PADI1: variants seen among roughly 807,000 people sequenced by gnomAD.
PADI1 encodes protein-arginine deiminase type-1.
PADI1 carries 65 observed loss-of-function variants against 74.8 expected under a neutral mutation model. The ratio of observed to expected loss-of-function variants is 0.87; its 90% CI spans 0.71 to 1.07. The LOEUF (loss-of-function observed/expected upper bound fraction) is 1.07. Among genes scored for constraint, PADI1 ranks in the 50% least tolerant of loss-of-function variants. The pLI, the probability that PADI1 is intolerant of heterozygous loss-of-function variation, is 0.00. For missense variants in PADI1, 943 were observed against 854.0 expected, an observed-to-expected ratio of 1.10 and a Z score of -1.30; for synonymous variants, 371 against 336.2, an observed-to-expected ratio of 1.10 and a Z score of -1.13.
In PADI1 at chr1:17,230,116, T is replaced by C; in HGVS notation, c.961T>C (p.Phe321Leu). The C allele has an allele frequency of 6.2e-7, 1 of 1,614,030 alleles. No homozygotes were observed. The highest frequency in any genetic ancestry group is 8.5e-7 in the Non-Finnish European group (1 of 1,179,898). The change falls in exon 9 of 16, where the codon TTC becomes CTC. Residue 321 changes from phenylalanine (F) to leucine (L), a missense_variant. Coordinates refer to ENST00000375471, the MANE Select transcript of PADI1 (RefSeq NM_013358.3). The part of the protein sequence containing the change: ...VMDTHGSNEK[F>L]LEDMSYLTLK... ...GGACACTCATGGCTCCAATGAGAAA[T>C]TCCTGGAGGACATGTCTTATCTGAC...
intron 1 of PADI1, among the ~76,000 whole-genome samples, chr1:17,208,102 CAAGT>C (rs1243018044): frequency 6.6e-6 from 1 of 152,204 alleles, no homozygotes; most frequent in Non-Finnish European, 1.5e-5. Flanking sequence ...TAGCTAAGGC[CAAGT>C]AAGGGGTTTC....
intron 12 of PADI1, 68 bp from the exon 13 acceptor site, chr1:17,238,548 T>G: frequency 1.2e-6 from 1 of 814,472 alleles, no homozygotes; most frequent in Non-Finnish European, 1.8e-6. Flanking sequence ...TCCTGAGTCC[T>G]GAGTCTGGGG....
intron 15 of PADI1, among the ~76,000 whole-genome samples, chr1:17,243,677 T>C (rs756012250): frequency 1.3e-4 from 20 of 152,254 alleles, no homozygotes; most frequent in Non-Finnish European, 1.5e-5. Flanking sequence ...CGAAAATCTC[T>C]TGTTCTAACA....
chr1:17,220,348 G>C (rs575001685), intron 1 of PADI1, among the ~76,000 whole-genome samples: 2 of 152,288 alleles, frequency 1.3e-5, no homozygotes, highest in African/African-American at 4.8e-5. Flanking sequence ...CATGGCAGAG[G>C]TTGTGGAGGG....
chr1:17,237,684 T>A (rs1455845707), intron 12 of PADI1, among the ~76,000 whole-genome samples: 3 of 152,232 alleles, frequency 2.0e-5, no homozygotes, highest in Non-Finnish European at 4.4e-5. Flanking sequence ...ATATTGATAA[T>A]AATTGGTAAT....
intron 1 of PADI1, among the ~76,000 whole-genome samples, chr1:17,221,016 C>T (rs954908599): frequency 1.3e-5 from 2 of 152,070 alleles, no homozygotes; most frequent in Non-Finnish European, 2.9e-5. Flanking sequence ...GATGAGTGCC[C>T]CAGGCTGGGG....
Position 17,243,168 on chromosome 1 carries a change from C to T in PADI1, c.1759-842C>T, listed in dbSNP as rs570717273. 7.2e-5 allele frequency among the ~76,000 whole-genome samples: 11 copies of T among 152,350 alleles called. No individual in the cohort carries two copies. In the East Asian group the frequency reaches 2.1e-3, roughly 29 times the overall value. On this transcript the variant is annotated intron_variant, in intron 15 of 15. Coordinates refer to ENST00000375471, the MANE Select transcript of PADI1 (RefSeq NM_013358.3). ...CACCAAGGGTCACCCCTTATGACCTCTTGCCATCAACCTGGGCTGAGATTT... is the reference window on the plus strand; with the variant it reads ...CACCAAGGGTCACCCCTTATGACCTTTTGCCATCAACCTGGGCTGAGATTT...
intron 2 of PADI1, 146 bp from the exon 3 acceptor site, chr1:17,223,475 C>T (rs1390462474): frequency 6.2e-6 from 4 of 648,674 alleles, no homozygotes; most frequent in Non-Finnish European, 1.1e-5. Context: ...AGCCGGGAGC[C>T]CTTGAGTCTT....
chr1:17,243,015 G>A (rs141823472), intron 15 of PADI1, among the ~76,000 whole-genome samples: 3 of 152,164 alleles, frequency 2.0e-5, no homozygotes, highest in Non-Finnish European at 2.9e-5. Context: ...ATGGATGAGG[G>A]TGGGGCAGAC....
chr1:17,233,238 C>G (rs146991130), intron 11 of PADI1, among the ~76,000 whole-genome samples: 1 of 152,144 alleles, frequency 6.6e-6, no homozygotes, highest in Non-Finnish European at 1.5e-5. Flanking sequence ...AAACAGATAT[C>G]GGGAGGGCCT....
chr1:17,214,536 G>C (rs1347390037), intron 1 of PADI1, among the ~76,000 whole-genome samples: 2 of 152,184 alleles, frequency 1.3e-5, no homozygotes, highest in Non-Finnish European at 2.9e-5. Context: ...ACCTGACTGT[G>C]CATTTGGGGA....
At chr1:17,239,823 C>G (rs2072734959) in intron 14 of PADI1, 40 bp downstream of exon 14, 1 of 1,506,650 alleles carries the variant, frequency 6.6e-7, no homozygotes. Context: ...GGGGTCCTTT[C>G]CCTTCCAGGG....
At chr1:17,240,060 C>T in intron 14 of PADI1, 1 of 426,686 alleles carries the variant, frequency 2.3e-6, no homozygotes, top group Non-Finnish European at 4.3e-6. Flanking sequence ...CTGAGCCTCT[C>T]ATCTGAGAAG....
In PADI1 at chr1:17,222,371, T is replaced by C. The variant is rs755663620; in HGVS notation, c.174T>C (p.Arg58=). 7 of 1,613,860 alleles carry C rather than the reference T, an allele frequency of 4.3e-6. No homozygotes were observed. The highest frequency in any genetic ancestry group is 1.1e-5 in the South Asian group (1 of 91,078). ...TCTTCATGGTCTACAACCGCACACG[T>C]GTGAAAGAGCCCATAGGCAAGGCCC... ...VEVFMVYNRT[R]VKEPIGKARW... is the part of the protein sequence containing the mutation. The change falls in exon 2 of 16, where the codon CGT becomes CGC. Residue 58 remains arginine, a synonymous_variant. Coordinates refer to ENST00000375471, the MANE Select transcript of PADI1 (RefSeq NM_013358.3).
intron 14 of PADI1, chr1:17,240,075 G>A (rs1218387791): frequency 7.8e-6 from 3 of 386,440 alleles, no homozygotes; most frequent in African/African-American, 6.0e-5. Context: ...GAGAAGTCTG[G>A]TGAAATGCGA....
Position 17,228,783 on chromosome 1 carries a change from C to T in PADI1, c.811C>T (p.Leu271=). The change falls in exon 7 of 16, where the codon CTG becomes TTG. Residue 271 remains leucine (L), a synonymous_variant. Transcript: ENST00000375471. ...AGGGCTGGTTTCCCTCAGTGTCAGC[C>T]TGGTGGACCCGGGGGTGTGTACAGC... The part of the protein sequence containing the change: ...FLGLVSLSVS[L]VDPGTLPEVT... 6.2e-7 allele frequency: 1 copy of T among 1,613,888 alleles called. No individual in the cohort carries two copies. Among genetic ancestry groups the T allele is most frequent in the Non-Finnish European group, 8.5e-7 (1 of 1,179,960 alleles).
chr1:17,211,500 A>G (rs1048748895), intron 1 of PADI1, among the ~76,000 whole-genome samples: 33 of 151,880 alleles, frequency 2.2e-4, no homozygotes, highest in Admixed American at 7.9e-4. Context: ...TCTCAGTTAA[A>G]CCTCACAACA....
Position 17,235,293 on chromosome 1 carries a change from G to GGAAGGAAGGAGGGAAGGAAGGAA in PADI1, c.1314-2020_1314-2019insAAGGAAGGAGGGAAGGAAGGAAG, listed in dbSNP as rs1557479110. 2.5e-4 allele frequency among the ~76,000 whole-genome samples: 16 copies of GGAAGGAAGGAGGGAAGGAAGGAA among 62,858 alleles called. No individual in the cohort carries two copies. In the East Asian group the frequency reaches 6.0e-3, roughly 24 times the overall value. 41.2% of individuals were successfully genotyped at this position (62,858 alleles called of 152,430 possible). A position where few individuals can be genotyped will look rare whatever the true frequency, so the allele number is the denominator to read the frequency against. ...AAGGAAGGAAGGAAGGAAGGAAGGAGGGAAGGAAGGAAGGAGGCAAAGTAG... is the reference window on the plus strand; with the variant it reads ...AAGGAAGGAAGGAAGGAAGGAAGGAGGAAGGAAGGAGGGAAGGAAGGAAGGAAGGAAGGAAGGAGGCAAAGTAG... On this transcript the variant is annotated intron_variant, in intron 11 of 15. Coordinates refer to ENST00000375471, the MANE Select transcript of PADI1 (RefSeq NM_013358.3).
At chr1:17,208,380 A>G (rs1268629879) in intron 1 of PADI1, among the ~76,000 whole-genome samples, 1 of 151,896 alleles carries the variant, frequency 6.6e-6, no homozygotes, top group Non-Finnish European at 1.5e-5. Flanking sequence ...CCATCCCCAC[A>G]CCCCAGTAGG....
Sources: gnomAD v4.1 joint callset for allele counts (sites outside exome capture counted in the v4.1 genomes callset) on GRCh38, gnomAD v4.1.1 for gene constraint, MANE v1.5 for transcripts, NCBI Gene and HGNC (gene_info 2026-07-23, HGNC 2026-07-21) for gene names.